The following SCN9A variants were observed in gnomAD, a reference collection of about 807,000 sequenced individuals.
The protein encoded by SCN9A is sodium channel protein type 9 subunit alpha.
In SCN9A, 131 loss-of-function variants were observed where a neutral mutation model predicts 187.0. That is an observed-to-expected ratio of 0.70 (90% CI 0.61 to 0.81). SCN9A has a LOEUF of 0.81. SCN9A is among the 30% of genes least tolerant of loss of function. The pLI, the probability that SCN9A is intolerant of heterozygous loss-of-function variation, is 0.00. For missense variants in SCN9A, 2,252 were observed against 2,396.6 expected (o/e 0.94, Z 1.26); for synonymous variants, 809 against 808.6 (o/e 1.00, Z -0.01).
intron 1 of SCN9A, among the ~76,000 whole-genome samples, chr2:166,315,764 C>G (rs1212155724): frequency 6.6e-6 from 1 of 152,138 alleles, no homozygotes; most frequent in Non-Finnish European, 1.5e-5. Flanking sequence ...AAAAATGGAG[C>G]CTCACACTTC....
intron 1 of SCN9A, among the ~76,000 whole-genome samples, chr2:166,373,138 T>C (rs979342908): frequency 3.3e-5 from 5 of 152,164 alleles, no homozygotes; most frequent in African/African-American, 7.2e-5. Context: ...TTTCATGTGT[T>C]TTAGCCACGA....
intron 1 of SCN9A, among the ~76,000 whole-genome samples, chr2:166,359,374 A>G (rs1700225144): frequency 6.6e-6 from 1 of 152,158 alleles, no homozygotes; most frequent in Non-Finnish European, 1.5e-5. Context: ...AAAACAAAGT[A>G]TGCCAAGTAT....
chr2:166,201,450 G>A (rs60431382), intron 26 of SCN9A, among the ~76,000 whole-genome samples: 11 of 131,548 alleles, frequency 8.4e-5, no homozygotes, highest in South Asian at 4.7e-4. Context: ...TAGAGTATGC[G>A]TATACTATAT....
chr2:166,296,993 C>T (rs1051079208), intron 7 of SCN9A, among the ~76,000 whole-genome samples: 3 of 151,370 alleles, frequency 2.0e-5, no homozygotes, highest in African/African-American at 4.9e-5. Flanking sequence ...GTCAGGAGAT[C>T]GAGACCATCC....
rs200371160 is a variant in SCN9A at position 166,228,720 on chromosome 2, C to T, written c.4177G>A (p.Gly1393Arg). The T allele has an allele frequency of 1.4e-5, 22 of 1,612,970 alleles. No homozygotes were observed. The Admixed American group carries it at 1.5e-4, about 11-fold the overall frequency. ...KNLKVNFDNV[G>R]LGYLSLLQVA... is the part of the protein sequence containing the mutation. ...TGAAGCAGAGATAGGTAACCAAGTC[C>T]GACATTATCAAAGTTCACTTTCAGG... Residue 1393 changes from glycine (G) to arginine (R), a missense_variant, in exon 22 of 27, where the codon GGA (glycine) becomes AGA (arginine). By Grantham distance (125) the Gly-to-Arg change is moderately radical. Around this residue, in one of 7 missense-constraint regions of SCN9A, gnomAD observed 368 missense variants for 408.6 expected, o/e 0.90. Transcript: ENST00000642356.
At chr2:166,302,738 T>C (rs951069296) in intron 7 of SCN9A, 4 of 149,094 alleles carry the variant, frequency 2.7e-5, no homozygotes, top group East Asian at 3.8e-4. Flanking sequence ...GTATGTACTA[T>C]ATAATAAAAT....
intron 1 of SCN9A, among the ~76,000 whole-genome samples, chr2:166,325,328 G>A (rs939335697): frequency 4.6e-5 from 7 of 151,902 alleles, no homozygotes; most frequent in African/African-American, 1.7e-4. Flanking sequence ...ATTTTACACA[G>A]TACAAAATAG....
Position 166,306,049 on chromosome 2 carries a change from C to T in SCN9A, c.468-129G>A, listed in dbSNP as rs944142654. 6 of 1,018,814 alleles carry T rather than the reference C, an allele frequency of 5.9e-6. No individual in the cohort carries two copies. The African/African-American group carries it at 9.8e-5, about 17-fold the overall frequency. The allele number at this position is 1,018,814 out of a possible 1,614,324, so 63.1% of individuals were successfully genotyped here. A position where few individuals can be genotyped will look rare whatever the true frequency, so the allele number is the denominator to read the frequency against. ...TGGAGGATGGCTGTTGGGTTATGGA[C>T]ACACCCTATTAAACTACAATAGGTC... On this transcript the variant is annotated intron_variant, in intron 4 of 26. Transcript: ENST00000642356.
At chr2:166,227,964 C>G (rs1473587539) in intron 22 of SCN9A, among the ~76,000 whole-genome samples, 1 of 152,112 alleles carries the variant, frequency 6.6e-6, no homozygotes, top group Non-Finnish European at 1.5e-5. Flanking sequence ...GAATTTCGCA[C>G]ATAACCTTTT....
chr2:166,298,952 T>C (rs372120809), intron 7 of SCN9A: 2 of 152,244 alleles, frequency 1.3e-5, no homozygotes, highest in African/African-American at 4.8e-5. Context: ...GAATTTTCTC[T>C]TCCTCATTTG....
intron 1 of SCN9A, among the ~76,000 whole-genome samples, chr2:166,350,063 T>C (rs1345699499): frequency 6.6e-6 from 1 of 152,198 alleles, no homozygotes; most frequent in Non-Finnish European, 1.5e-5. Context: ...TTTCTACTCC[T>C]GGTTCGTGGA....
chr2:166,288,677 A>G (rs759708630), intron 9 of SCN9A, 34 bp from the exon 10 acceptor site: 3 of 1,491,504 alleles, frequency 2.0e-6, no homozygotes, highest in Non-Finnish European at 2.7e-6. Context: ...TTTGAACAAT[A>G]AAAAGTTTTT....
intron 24 of SCN9A, among the ~76,000 whole-genome samples, chr2:166,214,155 T>C (rs1478211563): frequency 6.6e-6 from 1 of 152,162 alleles, no homozygotes; most frequent in Non-Finnish European, 1.5e-5. Context: ...ACCCAACTTT[T>C]ATAGGCCCTG....
chr2:166,356,258 TA>T (rs201845924), intron 1 of SCN9A, among the ~76,000 whole-genome samples: 6,429 of 152,316 alleles, frequency 0.042, 162 homozygotes, highest in African/African-American at 0.047. Context: ...GAAGTTTCTT[TA>T]ATGCAGATGA....
intron 18 of SCN9A, among the ~76,000 whole-genome samples, chr2:166,245,491 A>G (rs981087994): frequency 6.6e-6 from 1 of 151,908 alleles, no homozygotes; most frequent in Non-Finnish European, 1.5e-5. Context: ...AAAGTTTTAT[A>G]AGAAGTGATA....
chr2:166,355,147 G>A (rs1435388424), intron 1 of SCN9A, among the ~76,000 whole-genome samples: 1 of 151,790 alleles, frequency 6.6e-6, no homozygotes, highest in Non-Finnish European at 1.5e-5. Context: ...CCAGGCTGGA[G>A]TGCAGTGATA....
chr2:166,256,026 A>G (rs1380619471), intron 17 of SCN9A, among the ~76,000 whole-genome samples: 1 of 151,394 alleles, frequency 6.6e-6, no homozygotes, highest in Non-Finnish European at 1.5e-5. Context: ...TCCTTTGAGA[A>G]GAAATCCACA....
At chr2:166,320,358 T>A (rs1699207334) in intron 1 of SCN9A, among the ~76,000 whole-genome samples, 4 of 152,184 alleles carry the variant, frequency 2.6e-5, no homozygotes, top group Admixed American at 2.6e-4. Flanking sequence ...AACTGTTCTG[T>A]TACCTTCACT....
At chr2:166,212,175 C>A (rs1211756872) in intron 24 of SCN9A, among the ~76,000 whole-genome samples, 2 of 152,158 alleles carry the variant, frequency 1.3e-5, no homozygotes, top group African/African-American at 4.8e-5. Flanking sequence ...CCAAGGGATA[C>A]CAAAATTGAG....
Sources: allele counts gnomAD v4.1 joint callset (sites outside exome capture counted in the v4.1 genomes callset), GRCh38; gene constraint gnomAD v4.1.1; regional missense constraint gnomAD v4.1.1; transcripts MANE v1.5; gene names NCBI Gene and HGNC (gene_info 2026-07-23, HGNC 2026-07-21).